Variants in PKD1L1 observed in about 807,000 individuals in gnomAD.
PKD1L1 encodes polycystin 1 like 1, transient receptor potential channel interacting, also known as polycystin-1-like protein 1.
Under a neutral mutation model 323.4 loss-of-function variants are expected in PKD1L1, and 236 were observed. The ratio of observed to expected loss-of-function variants is 0.73; its 90% CI spans 0.66 to 0.81. The LOEUF (loss-of-function observed/expected upper bound fraction) is 0.81, where lower values mean the gene tolerates loss of function less well. Among genes scored for constraint, PKD1L1 ranks in the 40% least tolerant of loss-of-function variants. The pLI is 0.00. For missense variants in PKD1L1, 3,320 were observed against 3,508.0 expected (o/e 0.95, Z 1.35); for synonymous variants, 1,344 against 1,335.0 (o/e 1.01, Z -0.15).
upstream of PKD1L1, among the ~76,000 whole-genome samples, chr7:47,951,961 CTT>C (rs1788211384): frequency 6.6e-6 from 1 of 152,194 alleles, no homozygotes; most frequent in Admixed American, 6.5e-5. Context: ...ACCTTCTTCT[CTT>C]TGGATGAGCA....
At chr7:47,940,118 G>A in intron 3 of PKD1L1, 75 bp downstream of exon 3, 1 of 1,545,722 alleles carries the variant, frequency 6.5e-7, no homozygotes, top group Non-Finnish European at 8.9e-7. Flanking sequence ...ATGAAACATG[G>A]AGGTGCTTTT....
chr7:47,790,399 C>T (rs371306329), intron 56 of PKD1L1, among the ~76,000 whole-genome samples: 6 of 151,612 alleles, frequency 4.0e-5, no homozygotes, highest in African/African-American at 9.7e-5. Context: ...GGCACAATCT[C>T]GGCTCACTGC....
At chr7:47,916,381 C>A (rs954029639) in intron 7 of PKD1L1, among the ~76,000 whole-genome samples, 1 of 152,072 alleles carries the variant, frequency 6.6e-6, no homozygotes, top group Non-Finnish European at 1.5e-5. Flanking sequence ...GTGCCTTAGT[C>A]CACTTTTTAT....
intron 56 of PKD1L1, among the ~76,000 whole-genome samples, chr7:47,787,893 T>C (rs1786847919): frequency 6.6e-6 from 1 of 152,114 alleles, no homozygotes; most frequent in South Asian, 2.1e-4. Flanking sequence ...GTATTTTTTG[T>C]ACAGACAAGA....
chr7:47,822,571 G>A (rs1205030624), intron 45 of PKD1L1, among the ~76,000 whole-genome samples: 1 of 138,278 alleles, frequency 7.2e-6, no homozygotes, highest in Admixed American at 7.6e-5. Context: ...CTCCAGCCTG[G>A]GTGACAAAGT....
chr7:47,819,442 G>A, intron 46 of PKD1L1: 1 of 921,144 alleles, frequency 1.1e-6, no homozygotes, highest in South Asian at 1.7e-5. Context: ...AAAAGCCAGA[G>A]GTTTTTCATG....
At chr7:47,814,133 A>G (rs1302879780) in intron 47 of PKD1L1, 119 bp from the exon 48 acceptor site, 1 of 717,468 alleles carries the variant, frequency 1.4e-6, no homozygotes, top group Non-Finnish European at 2.3e-6. Context: ...TAGAGGTCAG[A>G]GTTTTATTTT....
the PKD1L1 span, among the ~76,000 whole-genome samples, chr7:47,954,940 C>T: frequency 9.2e-5 from 14 of 152,252 alleles, no homozygotes; most frequent in Admixed American, 4.6e-4. Flanking sequence ...GTGCTACAGG[C>T]GAATAGGAAC....
rs563004641 is a variant in PKD1L1, at chr7:47,901,894, A to G, written c.2064+485T>C. Among the ~76,000 whole-genome samples, 114 of 152,108 alleles carry G rather than the reference A, an allele frequency of 7.5e-4. 1 individual carries two copies. Among genetic ancestry groups the G allele is most frequent in the Middle Eastern group, 3.4e-3 (1 of 294 alleles). ...AATGAAAGAAATAAAAACCAACCCTATTTTTTCTAACCCAGAATAGGTGTT... is the reference window on the plus strand; with the variant it reads ...AATGAAAGAAATAAAAACCAACCCTGTTTTTTCTAACCCAGAATAGGTGTT... On this transcript the variant is annotated intron_variant, in intron 13 of 56. Coordinates refer to ENST00000289672, the MANE Select transcript of PKD1L1 (RefSeq NM_138295.5).
Position 47,888,074 on chromosome 7 carries a change from A to G in PKD1L1, c.2752T>C (p.Cys918Arg), listed in dbSNP as rs1481141685. Reference sequence around the variant, plus strand: ...TTCGGTATTTCACTGCAGTCCTCACACATAGCTTGAAGAGAGAGTTCGTCA... The same window carrying G: ...TTCGGTATTTCACTGCAGTCCTCACGCATAGCTTGAAGAGAGAGTTCGTCA... ...WNDELSLQAM[C>R]EDCSEIPNLS... is the part of the protein sequence containing the mutation. Residue 918 changes from cysteine (C) to arginine (R), a missense_variant, in exon 17 of 57, where the codon TGT (cysteine) becomes CGT (arginine). By Grantham distance (180) the Cys-to-Arg change is radical. Coordinates refer to ENST00000289672, the MANE Select transcript of PKD1L1 (RefSeq NM_138295.5). 3 of 1,613,972 alleles carry G rather than the reference A, an allele frequency of 1.9e-6. No individual in the cohort carries two copies. Among genetic ancestry groups the G allele is most frequent in the East Asian group, 2.2e-5 (1 of 44,878 alleles).
chr7:47,913,476 T>C (rs951739529), intron 8 of PKD1L1, among the ~76,000 whole-genome samples: 4 of 152,058 alleles, frequency 2.6e-5, no homozygotes, highest in African/African-American at 9.7e-5. Flanking sequence ...TGGGTGGTGA[T>C]TGGATGATGG....
At position 47,890,709 on chromosome 7, in the gene PKD1L1, GGA is replaced by G. The variant is rs1562975777; in HGVS notation, c.2506_2507del (p.Ser836LeufsTer16). 6.2e-7 allele frequency: 1 copy of G among 1,613,546 alleles called. No homozygotes were observed. On this transcript the variant is annotated frameshift_variant, in exon 16 of 57. Coordinates refer to ENST00000289672, the MANE Select transcript of PKD1L1 (RefSeq NM_138295.5). LOFTEE classifies it high-confidence loss of function. ...CGGCATCCAGTTGGTGTGCAGTGGA[GGA>G]GTCGAAGCAGGGATGTGCTGGGGAG... ...AGSPAHPCFD[S>X]STAHQLDAAA...
intron 26 of PKD1L1, among the ~76,000 whole-genome samples, chr7:47,861,096 C>G (rs552609223): frequency 6.6e-6 from 1 of 152,136 alleles, no homozygotes; most frequent in Non-Finnish European, 1.5e-5. Context: ...TGAGTCACCA[C>G]GAGGGAGACA....
At chr7:47,877,739 C>G (rs1297547919) in intron 21 of PKD1L1, 108 bp from the exon 22 acceptor site, 1 of 1,313,944 alleles carries the variant, frequency 7.6e-7, no homozygotes, top group Non-Finnish European at 1.0e-6. Context: ...AAAGTAGGGT[C>G]CCCAGACCAG....
chr7:47,882,184 T>G lies in PKD1L1; in HGVS notation c.3266-99A>C, dbSNP rs1786571946. On this transcript the variant is annotated intron_variant, in intron 19 of 56. Coordinates refer to ENST00000289672, the MANE Select transcript of PKD1L1 (RefSeq NM_138295.5). ...TGCTGATATTAATAACTATTTGTAC[T>G]ATTGCTGGATACCGCCTATCTAATA... 4 of 1,198,812 alleles carry G rather than the reference T, an allele frequency of 3.3e-6. No homozygotes were observed. In the South Asian group the frequency reaches 4.1e-5, roughly 12 times the overall value. The allele number at this position is 1,198,812 out of a possible 1,614,324, so 74.3% of individuals were successfully genotyped here. A position where few individuals can be genotyped will look rare whatever the true frequency, so the allele number is the denominator to read the frequency against.
At chr7:47,882,550 C>T (rs10261477) in intron 19 of PKD1L1, among the ~76,000 whole-genome samples, 46,629 of 151,764 alleles carry the variant, frequency 0.31, 7,467 homozygotes, top group Admixed American at 0.43. Context: ...GGAAGTCCTT[C>T]TGAGATGGAG....
chr7:47,797,370 T>A (rs746108832), intron 54 of PKD1L1, among the ~76,000 whole-genome samples: 27 of 152,372 alleles, frequency 1.8e-4, no homozygotes, highest in Non-Finnish European at 3.2e-4. Context: ...GTGTGTGTTA[T>A]CATCTCTTGT....
intron 7 of PKD1L1, among the ~76,000 whole-genome samples, chr7:47,919,843 A>T (rs1445274613): frequency 6.6e-6 from 1 of 152,210 alleles, no homozygotes; most frequent in Non-Finnish European, 1.5e-5. Context: ...CTCTGAGCAA[A>T]ACTGGCATAC....
At chr7:47,880,267 TATATATATATATATA>T (rs1562970450) in intron 21 of PKD1L1, among the ~76,000 whole-genome samples, 31 of 77,454 alleles carry the variant, frequency 4.0e-4, no homozygotes, top group South Asian at 2.1e-3. Flanking sequence ...TATATATACA[TATATATATATATATA>T]TATTTTTTTT....
Sources: allele counts gnomAD v4.1 joint callset (sites outside exome capture counted in the v4.1 genomes callset), GRCh38; gene constraint gnomAD v4.1.1; transcripts MANE v1.5; gene names NCBI Gene and HGNC (gene_info 2026-07-23, HGNC 2026-07-21).